The following VPS13D variants were observed in gnomAD, a reference collection of about 807,000 sequenced individuals.
VPS13D encodes vacuolar protein sorting 13 homolog D.
Under a neutral mutation model 461.9 loss-of-function variants are expected in VPS13D, and 187 were observed. The ratio of observed to expected loss-of-function variants is 0.40; its 90% confidence interval spans 0.36 to 0.46. The LOEUF is 0.46. Among genes scored for constraint, VPS13D ranks in the 20% least tolerant of loss-of-function variants. The pLI is 0.60. For missense variants in VPS13D, 4,711 were observed against 5,364.9 expected, an observed-to-expected ratio of 0.88 and a Z score of 3.81; for synonymous variants, 1,951 against 1,986.3, an observed-to-expected ratio of 0.98 and a Z score of 0.47.
intron 10 of VPS13D, 91 bp from the exon 11 acceptor site, chr1:12,260,602 T>A (rs1641076177): frequency 5.5e-6 from 6 of 1,085,080 alleles, no homozygotes; most frequent in Non-Finnish European, 8.4e-6. Context: ...GTTTCTGTGC[T>A]TTACTTTTAG....
chr1:12,283,828 A>T, intron 21 of VPS13D, 92 bp downstream of exon 21: 1 of 1,308,052 alleles, frequency 7.6e-7, no homozygotes, highest in Non-Finnish European at 1.0e-6. Flanking sequence ...ACTTTGGAAA[A>T]TATCTCTTGT....
chr1:12,431,155 TCTAA>T (rs1404221795), intron 65 of VPS13D, among the ~76,000 whole-genome samples: 1 of 152,230 alleles, frequency 6.6e-6, no homozygotes, highest in African/African-American at 2.4e-5. Context: ...ATTTAAACTC[TCTAA>T]CTTTTGCCTA....
chr1:12,356,140 T>A, intron 48 of VPS13D, 50 bp downstream of exon 48: 1 of 1,544,576 alleles, frequency 6.5e-7, no homozygotes, highest in Non-Finnish European at 8.7e-7. Flanking sequence ...TCATGGGAAT[T>A]CAGATTTATT....
chr1:12,390,088 TGG>T (rs1289037552), intron 60 of VPS13D, among the ~76,000 whole-genome samples: 1 of 152,230 alleles, frequency 6.6e-6, no homozygotes, highest in Non-Finnish European at 1.5e-5. Context: ...TGTCTCCTGG[TGG>T]CAGTGTTCCT....
chr1:12,243,282 T>TAAA (rs1640440847), intron 3 of VPS13D, among the ~76,000 whole-genome samples: 1 of 152,132 alleles, frequency 6.6e-6, no homozygotes. Context: ...TTTATTTATT[T>TAAA]ATGACAGGGT....
intron 44 of VPS13D, among the ~76,000 whole-genome samples, chr1:12,346,940 C>T (rs1643690111): frequency 6.6e-6 from 1 of 152,126 alleles, no homozygotes. Flanking sequence ...AGAAATGAAC[C>T]CTGGTATGAC....
chr1:12,426,897 C>G (rs1014478417), intron 65 of VPS13D, among the ~76,000 whole-genome samples: 1 of 151,960 alleles, frequency 6.6e-6, no homozygotes, highest in African/African-American at 2.4e-5. Context: ...GCCTGTAATC[C>G]CAGCTACTCG....
chr1:12,434,147 A>G (rs182696369), intron 65 of VPS13D, among the ~76,000 whole-genome samples: 13 of 152,206 alleles, frequency 8.5e-5, no homozygotes, highest in Non-Finnish European at 1.6e-4. Context: ...TTTAACTGCT[A>G]TTTTTGTGGA....
chr1:12,446,422 A>AG (rs1645192887), intron 65 of VPS13D, among the ~76,000 whole-genome samples: 1 of 151,740 alleles, frequency 6.6e-6, no homozygotes, highest in Non-Finnish European at 1.5e-5. Context: ...CTCTCAAAAA[A>AG]GAAAAAAAAA....
intron 36 of VPS13D, among the ~76,000 whole-genome samples, chr1:12,328,609 C>T (rs995985268): frequency 1.3e-5 from 2 of 152,002 alleles, no homozygotes; most frequent in African/African-American, 2.4e-5. Context: ...GGTGCAATCT[C>T]GGCTCACCAC....
At chr1:12,430,318 T>A (rs1006660867) in intron 65 of VPS13D, among the ~76,000 whole-genome samples, 16 of 152,176 alleles carry the variant, frequency 1.1e-4, no homozygotes, top group Non-Finnish European at 1.8e-4. Context: ...ATAAAGAAAT[T>A]GAGTCACAGT....
chr1:12,401,214 G>A (rs1250009899), intron 61 of VPS13D, among the ~76,000 whole-genome samples: 1 of 152,088 alleles, frequency 6.6e-6, no homozygotes, highest in Non-Finnish European at 1.5e-5. Flanking sequence ...CATATTTCTG[G>A]TCCTTTATCA....
At chr1:12,356,650 A>T in intron 49 of VPS13D, 126 bp downstream of exon 49, 1 of 1,277,544 alleles carries the variant, frequency 7.8e-7, no homozygotes, top group East Asian at 2.6e-5. Context: ...TGGCAGGGGA[A>T]TAGAACCATG....
intron 10 of VPS13D, among the ~76,000 whole-genome samples, chr1:12,260,011 G>C (rs1380370752): frequency 7.5e-6 from 1 of 132,970 alleles, no homozygotes; most frequent in Non-Finnish European, 1.6e-5. Context: ...ATATGCTTTA[G>C]TGACTTTTTT....
chr1:12,394,440 C>A (rs1052177892), intron 60 of VPS13D, among the ~76,000 whole-genome samples: 1 of 152,170 alleles, frequency 6.6e-6, no homozygotes, highest in African/African-American at 2.4e-5. Flanking sequence ...GCCCACCTTG[C>A]CTTTGACGAT....
chr1:12,506,702 C>A, intron 68 of VPS13D, 151 bp from the exon 69 acceptor site: 1 of 1,059,212 alleles, frequency 9.4e-7, no homozygotes, highest in Non-Finnish European at 1.3e-6. Flanking sequence ...CAAACACCCA[C>A]AAGATAGAAT....
chr1:12,405,412 A>C (rs1184649100), intron 63 of VPS13D, among the ~76,000 whole-genome samples: 1 of 152,160 alleles, frequency 6.6e-6, no homozygotes, highest in Non-Finnish European at 1.5e-5. Flanking sequence ...TCTAAAATTG[A>C]CACACAGGTA....
intron 10 of VPS13D, among the ~76,000 whole-genome samples, chr1:12,259,029 T>C (rs1641013504): frequency 6.6e-6 from 1 of 151,794 alleles, no homozygotes; most frequent in African/African-American, 2.4e-5. Context: ...TGATTTTCTT[T>C]TCTTTTCTTC....
Position 12,266,959 on chromosome 1 carries a change from G to C in VPS13D, c.1673G>C (p.Arg558Pro), listed in dbSNP as rs375749880. 2 of 1,610,806 alleles carry C rather than the reference G, an allele frequency of 1.2e-6. No homozygotes were observed. The highest frequency in any genetic ancestry group is 1.7e-6 in the Non-Finnish European group (2 of 1,179,078). ...GTCCGGTTGGGTGGACTGTTTCTTC[G>C]AGACCTGGCTACAGAAGGAACTATG... is the stretch of plus-strand genomic sequence containing the variant. ...LSVRLGGLFLRDLATEGTMFP... is the reference protein window; with the variant it reads ...LSVRLGGLFLPDLATEGTMFP... The change falls in exon 14 of 70, where the codon CGA (arginine) becomes CCA (proline). Residue 558 changes from arginine (R) to proline (P), a missense_variant. Arg to Pro is a moderately radical substitution (Grantham distance 103, BLOSUM62 -2). Coordinates refer to ENST00000620676, the MANE Select transcript of VPS13D (RefSeq NM_015378.4).
Sources: gnomAD v4.1 joint callset for allele counts (sites outside exome capture counted in the v4.1 genomes callset) on GRCh38, gnomAD v4.1.1 for gene constraint, MANE v1.5 for transcripts, NCBI Gene and HGNC (gene_info 2026-07-23, HGNC 2026-07-21) for gene names.